The following CENPT variants were observed in gnomAD, a reference collection of about 807,000 sequenced individuals.
CENPT encodes the protein interphase centromere complex protein 22.
CENPT carries 42 observed loss-of-function variants against 59.7 expected under a neutral mutation model. The observed-to-expected ratio is 0.70, with a 90% CI of 0.55 to 0.91. The LOEUF (loss-of-function observed/expected upper bound fraction) is 0.91, where lower values mean the gene tolerates loss of function less well. Among genes scored for constraint, CENPT ranks in the 40% least tolerant of loss-of-function variants. The pLI is 0.00. For synonymous variants in CENPT, 295 were observed against 289.6 expected, an observed-to-expected ratio of 1.02 and a Z score of -0.19; for missense variants, 716 against 713.4, an observed-to-expected ratio of 1.00 and a Z score of -0.04.
chr16:67,837,679 G>A (rs545810604), intron 1 of CENPT, among the ~76,000 whole-genome samples: 1 of 152,130 alleles, frequency 6.6e-6, no homozygotes, highest in South Asian at 2.1e-4. Context: ...CAGCCTGGGC[G>A]ACAGAGTGAG....
chr16:67,843,328 G>C lies in CENPT; in HGVS notation c.-492+4073C>G. On this transcript the variant is annotated intron_variant, in intron 1 of 15. Transcript: ENST00000562787. The surrounding 1 kb of genome is among the most constrained non-coding windows in gnomAD (Gnocchi z 5.7). ...CAGGCACCACGGAGGAGGAGCTCCT[G>C]CGCAAGCTGAATGAGCAGCGGGACA... 1.2e-6 allele frequency: 2 copies of C among 1,613,930 alleles called. No homozygotes were observed. The highest frequency in any genetic ancestry group is 1.7e-6 in the Non-Finnish European group (2 of 1,180,048).
intron 1 of CENPT, among the ~76,000 whole-genome samples, chr16:67,839,217 G>A (rs1245470068): frequency 1.3e-5 from 2 of 151,468 alleles, no homozygotes; most frequent in East Asian, 1.9e-4. Context: ...GGAAAACCCC[G>A]CTCTACAAAA....
chr16:67,835,386 A>C (rs1255174607), intron 2 of CENPT, 86 bp from the exon 3 acceptor site: 1 of 151,968 alleles, frequency 6.6e-6, no homozygotes, highest in Non-Finnish European at 1.5e-5. Context: ...CAAGAAGTCC[A>C]GGCATGGTGG....
In CENPT at chr16:67,830,405, C is replaced by T. The variant is rs920467791; in HGVS notation, c.847G>A (p.Gly283Arg). 1.2e-5 allele frequency: 20 copies of T among 1,610,710 alleles called. No homozygotes were observed. Among genetic ancestry groups the T allele is most frequent in the Admixed American group, 1.7e-5 (1 of 58,760 alleles). Residue 283 changes from glycine (G) to arginine (R), a missense_variant, in exon 11 of 16, where the codon GGG (glycine) becomes AGG (arginine). Transcript: ENST00000562787. ...AGRKTQSSGP[G>R]LQKNSPGKPA... ...ACACACTCACTATTCTTCTGCAGCC[C>T]AGGCCCACTGCTCTGTGTCTTGCGA...
intron 12 of CENPT, 78 bp downstream of exon 12, chr16:67,829,687 C>A: frequency 6.7e-7 from 1 of 1,496,296 alleles, no homozygotes; most frequent in South Asian, 1.2e-5. Flanking sequence ...CCCGGAAACA[C>A]AACCCAGACA....
chr16:67,842,831 A>G lies in CENPT; in HGVS notation c.-492+4570T>C. On this transcript the variant is annotated intron_variant, in intron 1 of 15. Transcript: ENST00000562787. The surrounding 1 kb of genome is among the most constrained non-coding windows in gnomAD (Gnocchi z 4.9). ...CGTCAATGAGCGCAAAGTAGCGCGC[A>G]GACCCGCTGGGGCCGCGGCCGCCCG... is the stretch of plus-strand genomic sequence containing the variant. 1 of 1,609,168 alleles carries G rather than the reference A, an allele frequency of 6.2e-7. No homozygotes were observed. Among genetic ancestry groups the G allele is most frequent in the South Asian group, 1.1e-5 (1 of 90,914 alleles).
intron 13 of CENPT, 49 bp from the exon 14 acceptor site, chr16:67,828,892 C>T: frequency 6.6e-7 from 1 of 1,523,942 alleles, no homozygotes; most frequent in Non-Finnish European, 8.8e-7. Flanking sequence ...CAAGGAGGCT[C>T]TTATTCAAGA....
chr16:67,837,497 A>T (rs1039190026), intron 1 of CENPT, among the ~76,000 whole-genome samples: 5 of 151,866 alleles, frequency 3.3e-5, no homozygotes, highest in South Asian at 2.1e-4. Context: ...TCACAAGGTC[A>T]GGAGTTCAAG....
Position 67,831,947 on chromosome 16 carries a change from ACCC to A in CENPT, c.387-60_387-58del, listed in dbSNP as rs963435382. ...AGGAAGTCCAATTCTGGCTTTTGCA[ACCC>A]CCAAGAAACTCCCGGACTAAGCTGC... On this transcript the variant is annotated intron_variant, in intron 7 of 15. Coordinates refer to ENST00000562787, the MANE Select transcript of CENPT (RefSeq NM_025082.4). 7 of 1,589,360 alleles carry A rather than the reference ACCC, an allele frequency of 4.4e-6. No homozygotes were observed. In the Admixed American group the frequency reaches 1.3e-4, roughly 29 times the overall value.
chr16:67,841,041 A>G (rs1598148983), intron 1 of CENPT, among the ~76,000 whole-genome samples: 1 of 90,744 alleles, frequency 1.1e-5, no homozygotes, highest in South Asian at 3.9e-4. Flanking sequence ...ATATATATAT[A>G]TATATTAGCC....
chr16:67,841,040 T>TATATAC (rs2057757992), intron 1 of CENPT, among the ~76,000 whole-genome samples: 1 of 93,778 alleles, frequency 1.1e-5, no homozygotes, highest in Non-Finnish European at 2.1e-5. Flanking sequence ...TATATATATA[T>TATATAC]ATATATTAGC....
intron 1 of CENPT, among the ~76,000 whole-genome samples, chr16:67,837,203 C>T (rs1001031659): frequency 1.9e-4 from 29 of 150,460 alleles, no homozygotes; most frequent in Non-Finnish European, 3.0e-4. Context: ...GACAGGGTCT[C>T]GCTCTGTCAC....
Position 67,843,056 on chromosome 16 carries a change from C to G in CENPT, c.-492+4345G>C, listed in dbSNP as rs746714021. On this transcript the variant is annotated intron_variant, in intron 1 of 15. Transcript: ENST00000562787. This position sits in a 1 kb window ranked among gnomAD's most constrained non-coding sequence, Gnocchi z 5.7. Reference sequence around the variant, plus strand: ...CCTTCAGGCCACTGTAGACAGCAGTCAGGCTCCGGGATCCGTACAGCCGGC... The same window carrying G: ...CCTTCAGGCCACTGTAGACAGCAGTGAGGCTCCGGGATCCGTACAGCCGGC... The G allele has an allele frequency of 2.0e-5, 32 of 1,612,098 alleles. No homozygotes were observed. The highest frequency in any genetic ancestry group is 1.6e-4 in the Middle Eastern group (1 of 6,084).
At chr16:67,838,328 G>A (rs561770476) in intron 1 of CENPT, among the ~76,000 whole-genome samples, 2 of 152,250 alleles carry the variant, frequency 1.3e-5, no homozygotes, top group South Asian at 4.2e-4. Context: ...TACTGCACAC[G>A]TATTTAAACA....
At chr16:67,844,406 T>G (rs2057783689) in intron 1 of CENPT, among the ~76,000 whole-genome samples, 2 of 152,194 alleles carry the variant, frequency 1.3e-5, no homozygotes, top group South Asian at 2.1e-4. Context: ...CTAAAGAGTT[T>G]GGAAACTGCA....
At position 67,833,878 on chromosome 16, in the gene CENPT, T is replaced by C; in HGVS notation, c.-19A>G. The C allele has an allele frequency of 6.8e-7, 1 of 1,463,048 alleles. No homozygotes were observed. Among genetic ancestry groups the C allele is most frequent in the Non-Finnish European group, 9.0e-7 (1 of 1,105,800 alleles). 90.6% of individuals were successfully genotyped at this position (1,463,048 alleles called of 1,614,324 possible). ...CAGCCATCGTCTCGGCCCCGGGCCC[T>C]CCTAACCGCCCAGCCAGCTGCAGGC... On this transcript the variant is annotated 5_prime_UTR_variant, in exon 4 of 16. Transcript: ENST00000562787.
chr16:67,831,042 G>A, intron 10 of CENPT, 174 bp downstream of exon 10: 10 of 808,736 alleles, frequency 1.2e-5, no homozygotes, highest in Middle Eastern at 3.1e-4. Context: ...AGGGACCAAG[G>A]AAAGAGGCCC....
chr16:67,842,470 G>A lies in CENPT; in HGVS notation c.-492+4931C>T. 8.8e-7 allele frequency: 1 copy of A among 1,131,672 alleles called. No individual in the cohort carries two copies. The highest frequency in any genetic ancestry group is 1.1e-6 in the Non-Finnish European group (1 of 894,438). 70.1% of individuals were successfully genotyped at this position (1,131,672 alleles called of 1,614,324 possible). On this transcript the variant is annotated intron_variant, in intron 1 of 15. Coordinates refer to ENST00000562787, the MANE Select transcript of CENPT (RefSeq NM_025082.4). The surrounding 1 kb of genome is among the most constrained non-coding windows in gnomAD (Gnocchi z 4.9). Reference sequence around the variant, plus strand: ...CCCAAGGCCTCGCGCGGCGCCGCCCGTCGAGGGGCGGGCGGCGGCGTAGCC... The same window carrying A: ...CCCAAGGCCTCGCGCGGCGCCGCCCATCGAGGGGCGGGCGGCGGCGTAGCC...
At chr16:67,835,422 G>C (rs2057729426) in intron 2 of CENPT, 116 bp downstream of exon 2, 1 of 152,086 alleles carries the variant, frequency 6.6e-6, no homozygotes, top group Admixed American at 6.6e-5. Context: ...CCAGCACTTT[G>C]GGAGGCTGAG....
Sources: gnomAD v4.1 joint callset for allele counts (sites outside exome capture counted in the v4.1 genomes callset) on GRCh38, gnomAD v4.1.1 for gene constraint, Gnocchi (gnomAD v3.1) non-coding constraint, MANE v1.5 for transcripts, NCBI Gene and HGNC (gene_info 2026-07-23, HGNC 2026-07-21) for gene names.